The following PIN4 variants were observed in gnomAD, a reference collection of about 807,000 sequenced individuals.
PIN4 encodes peptidyl-prolyl cis-trans isomerase NIMA-interacting 4.
Under a neutral mutation model 8.3 loss-of-function variants are expected in PIN4, and 3 were observed. The ratio of observed to expected loss-of-function variants is 0.36; its 90% CI spans 0.16 to 0.93. The LOEUF (loss-of-function observed/expected upper bound fraction) is 0.93, where lower values mean the gene tolerates loss of function less well. PIN4 is among the 40% of genes least tolerant of loss of function. PIN4 has a pLI of 0.44. For missense variants in PIN4, 75 were observed against 100.6 expected, an observed-to-expected ratio of 0.75 and a Z score of 1.09; for synonymous variants, 18 against 32.5, an observed-to-expected ratio of 0.55 and a Z score of 1.52.
At chrX:72,248,292 A>G (rs12689140) in intron 3 of PIN4, among the ~76,000 whole-genome samples, 199 of 1,256 alleles carry the variant, frequency 0.16, 2 homozygotes, top group East Asian at 0.44. Flanking sequence ...CTCCATCCAG[A>G]AAAAAAAAAA....
chrX:72,220,151 G>A (rs1302500165), intron 3 of PIN4, among the ~76,000 whole-genome samples: 1 of 110,021 alleles, frequency 9.1e-6, no homozygotes, highest in African/African-American at 3.3e-5. Context: ...TAGTTTTTAG[G>A]CATGTTAAAT....
At chrX:72,238,457 C>T (rs994779661) in intron 3 of PIN4, among the ~76,000 whole-genome samples, 7 of 111,835 alleles carry the variant, frequency 6.3e-5, no homozygotes, top group African/African-American at 2.3e-4. Context: ...GTAATTATTG[C>T]TTTACAGATC....
intron 3 of PIN4, among the ~76,000 whole-genome samples, chrX:72,258,203 G>A (rs2043121265): frequency 8.9e-6 from 1 of 112,085 alleles, no homozygotes; most frequent in South Asian, 3.7e-4. Flanking sequence ...GAGGAGATGA[G>A]AGGTCCACCT....
chrX:72,184,986 C>CA (rs1291778917), intron 1 of PIN4, among the ~76,000 whole-genome samples: 1 of 107,278 alleles, frequency 9.3e-6, no homozygotes, highest in Non-Finnish European at 1.9e-5. Context: ...ACTAAAAATA[C>CA]AAAAAAAATT....
chrX:72,223,689 A>G (rs957383736), intron 3 of PIN4, among the ~76,000 whole-genome samples: 1 of 111,636 alleles, frequency 9.0e-6, no homozygotes. Context: ...CAACAGAGAC[A>G]AGGAACAAAA....
intron 3 of PIN4, chrX:72,208,246 T>C (rs2042832298): frequency 8.3e-7 from 1 of 1,211,837 alleles, no homozygotes; most frequent in Admixed American, 2.2e-5. Flanking sequence ...ATGAAAGGTT[T>C]TGACTCTCAT....
intron 3 of PIN4, among the ~76,000 whole-genome samples, chrX:72,240,078 G>T (rs2043042380): frequency 1.0e-5 from 1 of 98,967 alleles, no homozygotes; most frequent in Admixed American, 1.1e-4. Flanking sequence ...GACAGAGAAA[G>T]ACTCCATCTC....
rs753404859 is a variant in PIN4, at chrX:72,214,233, A to G, written c.312+17329A>G. 2.0e-3 allele frequency among the ~76,000 whole-genome samples: 224 copies of G among 111,854 alleles called. 3 individuals carry two copies. The highest frequency in any genetic ancestry group is 0.014 in the Middle Eastern group (3 of 217). On this transcript the variant is annotated intron_variant, in intron 3 of 3. Transcript: ENST00000423432. ...TGGGGATCATTTTAAAATCACATAT[A>G]AACACAAACAATATTATTAAATAGT...
At chrX:72,187,304 C>T (rs775191020) in intron 2 of PIN4, among the ~76,000 whole-genome samples, 7 of 111,692 alleles carry the variant, frequency 6.3e-5, no homozygotes, top group South Asian at 3.7e-4. Flanking sequence ...CTTAACCTAG[C>T]CCCAGAGGAG....
intron 3 of PIN4, among the ~76,000 whole-genome samples, chrX:72,255,507 C>T (rs1178458007): frequency 1.8e-5 from 2 of 109,267 alleles, no homozygotes; most frequent in African/African-American, 3.3e-5. Context: ...CCTTTCCTGC[C>T]GCCTTCCCGC....
Position 72,204,776 on chromosome X carries a change from AAC to A in PIN4, c.312+7876_312+7877del, listed in dbSNP as rs774647764. 4 of 242,350 alleles carry A rather than the reference AAC, an allele frequency of 1.7e-5. No homozygotes were observed. In the East Asian group the frequency reaches 2.1e-4, roughly 13 times the overall value. The allele number at this position is 242,350 out of a possible 1,213,427, so 20.0% of individuals were successfully genotyped here. The stretch of plus-strand genomic sequence containing the variant: ...AATTTTACAAAACTTTCCAAGAAAC[AAC>A]ACAGTTAAATTTATAGAATATGCCT... On this transcript the variant is annotated intron_variant, in intron 3 of 3. Coordinates refer to the PIN4 transcript ENST00000423432.
intron 3 of PIN4, among the ~76,000 whole-genome samples, chrX:72,228,390 T>C (rs1342305456): frequency 1.8e-5 from 2 of 111,697 alleles, no homozygotes; most frequent in African/African-American, 6.5e-5. Flanking sequence ...CTCCAGGGAC[T>C]CCCCAACTGG....
chrX:72,213,562 C>T (rs912699494), intron 3 of PIN4, among the ~76,000 whole-genome samples: 1 of 112,076 alleles, frequency 8.9e-6, no homozygotes, highest in Admixed American at 9.4e-5. Flanking sequence ...TGTTTGCCAC[C>T]GTTGCAGACC....
chrX:72,256,084 T>C (rs977537428), intron 3 of PIN4: 1 of 111,890 alleles, frequency 8.9e-6, no homozygotes, highest in Non-Finnish European at 1.9e-5. Flanking sequence ...AGGGCCATGA[T>C]TCATTCAAGC....
chrX:72,241,872 G>T (rs1176350019), intron 3 of PIN4, among the ~76,000 whole-genome samples: 1 of 111,776 alleles, frequency 8.9e-6, no homozygotes, highest in Non-Finnish European at 1.9e-5. Context: ...CAGCACAAAG[G>T]AGCTAAGGAT....
chrX:72,208,584 T>C (rs765890745), intron 3 of PIN4: 2 of 1,211,958 alleles, frequency 1.7e-6, no homozygotes, highest in Non-Finnish European at 1.1e-6. Flanking sequence ...CCTGTATTTT[T>C]TGGATTCTGC....
At chrX:72,238,698 C>T in intron 3 of PIN4, 3 of 499,442 alleles carry the variant, frequency 6.0e-6, no homozygotes, top group Non-Finnish European at 9.9e-6. Context: ...GAGCTGACTC[C>T]CACACCCTAC....
At chrX:72,253,610 G>A (rs769581802) in intron 3 of PIN4, among the ~76,000 whole-genome samples, 17 of 109,734 alleles carry the variant, frequency 1.5e-4, no homozygotes, top group Non-Finnish European at 2.3e-4. Context: ...GGGCGACAGA[G>A]CAACACTCCA....
At chrX:72,238,707 A>T in intron 3 of PIN4, 1 of 527,527 alleles carries the variant, frequency 1.9e-6, no homozygotes, top group Non-Finnish European at 3.1e-6. Flanking sequence ...CCCACACCCT[A>T]CTGCGAGAAG....
Sources: gnomAD v4.1 joint callset for allele counts (sites outside exome capture counted in the v4.1 genomes callset) on GRCh38, gnomAD v4.1.1 for gene constraint, MANE v1.5 for transcripts, NCBI Gene and HGNC (gene_info 2026-07-23, HGNC 2026-07-21) for gene names.